KRIT1: variants seen among roughly 807,000 people sequenced by gnomAD.
The protein encoded by KRIT1 is KRIT1 ankyrin repeat containing, also known as krev interaction trapped protein 1.
In KRIT1, 45 loss-of-function variants were observed where a neutral mutation model predicts 95.8. The ratio of observed to expected loss-of-function variants is 0.47; its 90% CI spans 0.37 to 0.60. The LOEUF (loss-of-function observed/expected upper bound fraction) is 0.60. Among genes scored for constraint, KRIT1 ranks in the 20% least tolerant of loss-of-function variants. The probability of loss-of-function intolerance (pLI) is 0.00; values close to 1 mark genes in which losing one functional copy is unlikely to be tolerated. For synonymous variants in KRIT1, 282 were observed against 278.8 expected, an observed-to-expected ratio of 1.01 and a Z score of -0.11; for missense variants, 788 against 877.5, an observed-to-expected ratio of 0.90 and a Z score of 1.29.
At chr7:92,219,143 G>A (rs1324406454) in intron 14 of KRIT1, among the ~76,000 whole-genome samples, 1 of 152,166 alleles carries the variant, frequency 6.6e-6, no homozygotes, top group South Asian at 2.1e-4. Context: ...TGGGACTACA[G>A]AGGTGTACCA....
chr7:92,229,912 A>C (rs1278281163), intron 10 of KRIT1, among the ~76,000 whole-genome samples: 1 of 152,196 alleles, frequency 6.6e-6, no homozygotes. Context: ...GCAAAGGCTT[A>C]GAGTATCTAT....
chr7:92,217,101 C>T (rs1794151959), intron 14 of KRIT1, among the ~76,000 whole-genome samples: 1 of 152,128 alleles, frequency 6.6e-6, no homozygotes, highest in South Asian at 2.1e-4. Context: ...TTACTTGAGT[C>T]TCCTTTATTT....
chr7:92,221,818 A>C, intron 14 of KRIT1, 84 bp downstream of exon 14: 1 of 1,164,746 alleles, frequency 8.6e-7, no homozygotes. Context: ...GGATGTAAGC[A>C]CAATTTCTGC....
intron 10 of KRIT1, among the ~76,000 whole-genome samples, chr7:92,233,587 A>T (rs1194843090): frequency 6.6e-6 from 1 of 151,830 alleles, no homozygotes; most frequent in Non-Finnish European, 1.5e-5. Flanking sequence ...TTGTATTTTT[A>T]GTGGAGACGG....
Position 92,224,682 on chromosome 7 carries a change from G to A in KRIT1, c.1254+1038C>T, listed in dbSNP as rs556749244. ...AGTTGTAATTAGATGGAAAGGCCAG[G>A]TTGAGTTAGCAGAATAAAAAAGCTT... On this transcript the variant is annotated intron_variant, in intron 12 of 18. Transcript: ENST00000394505. Among the ~76,000 whole-genome samples the A allele has an allele frequency of 9.9e-5, 15 of 152,232 alleles. No individual in the cohort carries two copies. The South Asian group carries it at 3.1e-3, about 32-fold the overall frequency.
intron 5 of KRIT1, among the ~76,000 whole-genome samples, chr7:92,238,117 C>T (rs1338942741): frequency 6.6e-6 from 1 of 152,140 alleles, no homozygotes; most frequent in Non-Finnish European, 1.5e-5. Context: ...GTATTATATT[C>T]TGGCATATGT....
rs1789887557 is a variant in KRIT1 at position 92,200,414 on chromosome 7, G to A, written c.*322C>T. On this transcript the variant is annotated 3_prime_UTR_variant, in exon 19 of 19. Coordinates refer to ENST00000394505, the MANE Select transcript of KRIT1 (RefSeq NM_194454.3). ...GTGTCACCCAGGCTAGCGTGCCGTG[G>A]TGCAATCTTGGCTCACTACAACCTC... 1 of 323,222 alleles carries A rather than the reference G, an allele frequency of 3.1e-6. No individual in the cohort carries two copies. Among genetic ancestry groups the A allele is most frequent in the African/African-American group, 2.1e-5 (1 of 46,556 alleles). 20.0% of individuals were successfully genotyped at this position (323,222 alleles called of 1,614,324 possible).
chr7:92,214,642 C>T lies in KRIT1; in HGVS notation c.1699G>A (p.Glu567Lys). The change falls in exon 15 of 19, where the codon GAG (glutamate) becomes AAG (lysine). Residue 567 changes from glutamate (E) to lysine (K), a missense_variant. Around this residue, in one of 3 missense-constraint regions of KRIT1, gnomAD observed 493 missense variants for 582.3 expected, o/e 0.85. Transcript: ENST00000394505. ...AAACCTTGCTTGTGTTTTTTACTCTCATAATTTCCATAGACTATTTGCAAA... is the reference window on the plus strand; with the variant it reads ...AAACCTTGCTTGTGTTTTTTACTCTTATAATTTCCATAGACTATTTGCAAA... ...LLLQIVYGNY[E>K]SKKHKQGFLN... 6.2e-7 allele frequency: 1 copy of T among 1,612,742 alleles called. No individual in the cohort carries two copies. Among genetic ancestry groups the T allele is most frequent in the African/African-American group, 1.3e-5 (1 of 75,014 alleles).
At chr7:92,242,223 G>A in intron 3 of KRIT1, 86 bp from the exon 4 acceptor site, 1 of 790,646 alleles carries the variant, frequency 1.3e-6, no homozygotes, top group Non-Finnish European at 2.2e-6. Flanking sequence ...ATCTTAAATT[G>A]AAAACTTTTA....
chr7:92,240,248 C>A (rs1053454933), intron 5 of KRIT1, among the ~76,000 whole-genome samples: 1 of 152,064 alleles, frequency 6.6e-6, no homozygotes, highest in African/African-American at 2.4e-5. Context: ...CAACAAAAAC[C>A]ATCTCTTTAC....
rs963494839 is a variant in KRIT1 at position 92,200,883 on chromosome 7, C to T, written c.2143-79G>A. 8 of 982,842 alleles carry T rather than the reference C, an allele frequency of 8.1e-6. No homozygotes were observed. In the Admixed American group the frequency reaches 1.5e-4, roughly 19 times the overall value. 60.9% of individuals were successfully genotyped at this position (982,842 alleles called of 1,614,324 possible). ...GGACATTCATGACATTGGGCAGTTC[C>T]CTATCTATTTGAAAGGGAACTTTCT... On this transcript the variant is annotated intron_variant, in intron 18 of 18. Coordinates refer to ENST00000394505, the MANE Select transcript of KRIT1 (RefSeq NM_194454.3).
chr7:92,207,817 C>G (rs1791906033), intron 17 of KRIT1, among the ~76,000 whole-genome samples: 1 of 152,156 alleles, frequency 6.6e-6, no homozygotes, highest in African/African-American at 2.4e-5. Context: ...TGAAATTGCT[C>G]ACTGCACTTC....
intron 12 of KRIT1, 27 bp from the exon 13 acceptor site, chr7:92,223,005 G>A (rs372474087): frequency 4.0e-6 from 6 of 1,516,624 alleles, no homozygotes; most frequent in South Asian, 3.4e-5. Context: ...CTTACGTAAC[G>A]AACTTAAAAA....
chr7:92,223,012 A>G (rs1471858210), intron 12 of KRIT1, 34 bp from the exon 13 acceptor site: 3 of 1,402,320 alleles, frequency 2.1e-6, no homozygotes, highest in Admixed American at 1.7e-5. Flanking sequence ...AACGAACTTA[A>G]AAAATTATAC....
At chr7:92,201,474 C>T (rs773267203) in intron 17 of KRIT1, 51 bp from the exon 18 acceptor site, 1 of 876,890 alleles carries the variant, frequency 1.1e-6, no homozygotes, top group Non-Finnish European at 2.0e-6. Context: ...AAAAACTTCA[C>T]CTATTTTCTC....
chr7:92,231,278 C>T (rs1797230508), intron 10 of KRIT1, among the ~76,000 whole-genome samples: 1 of 151,994 alleles, frequency 6.6e-6, no homozygotes, highest in Non-Finnish European at 1.5e-5. Context: ...TGTCTGGCTA[C>T]CAATCTTGAA....
chr7:92,201,219 T>C (rs1584694033), intron 18 of KRIT1, 88 bp downstream of exon 18: 1 of 760,338 alleles, frequency 1.3e-6, no homozygotes, highest in East Asian at 2.4e-5. Context: ...CAGGTTTTCC[T>C]TGAAGTTAAA....
At chr7:92,200,896 A>T in intron 18 of KRIT1, 92 bp from the exon 19 acceptor site, 10 of 869,748 alleles carry the variant, frequency 1.1e-5, no homozygotes, top group Non-Finnish European at 1.7e-5. Context: ...ATCTATTTGA[A>T]AGGGAACTTT....
intron 14 of KRIT1, 37 bp downstream of exon 14, chr7:92,221,865 G>A (rs747468108): frequency 6.3e-7 from 1 of 1,576,808 alleles, no homozygotes. Context: ...CAGATTTTGT[G>A]CATTTAAATA....
Sources: gnomAD v4.1 joint callset for allele counts (sites outside exome capture counted in the v4.1 genomes callset) on GRCh38, gnomAD v4.1.1 for gene constraint, gnomAD v4.1.1 regional missense constraint, MANE v1.5 for transcripts, NCBI Gene and HGNC (gene_info 2026-07-23, HGNC 2026-07-21) for gene names.